Variants in TTLL11 observed in about 807,000 individuals in gnomAD.
TTLL11 encodes the protein tubulin tyrosine ligase like 11, also known as tubulin polyglutamylase TTLL11.
TTLL11 carries 42 observed loss-of-function variants against 51.7 expected under a neutral mutation model. The observed-to-expected ratio is 0.81, with a 90% confidence interval of 0.64 to 1.05. TTLL11 has a LOEUF of 1.05. Ranked by LOEUF, TTLL11 falls within the 50% of genes least tolerant of loss-of-function variation. TTLL11 has a pLI of 0.00. For missense variants in TTLL11, 799 were observed against 940.4 expected, an observed-to-expected ratio of 0.85 and a Z score of 1.97; for synonymous variants, 381 against 383.5, an observed-to-expected ratio of 0.99 and a Z score of 0.08.
intron 6 of TTLL11, chr9:121,885,365 G>A (rs1392518955): frequency 6.6e-6 from 1 of 152,190 alleles, no homozygotes; most frequent in Non-Finnish European, 1.5e-5. Flanking sequence ...TTTCCATTTG[G>A]AGGCTCTGAT....
intron 3 of TTLL11, among the ~76,000 whole-genome samples, chr9:121,996,393 T>C (rs926602477): frequency 2.6e-5 from 4 of 152,176 alleles, no homozygotes; most frequent in East Asian, 1.9e-4. Context: ...CTTCTCCATA[T>C]TGAGCTTCCC....
At chr9:121,944,972 T>C (rs952287766) in intron 6 of TTLL11, among the ~76,000 whole-genome samples, 1 of 152,188 alleles carries the variant, frequency 6.6e-6, no homozygotes, top group East Asian at 1.9e-4. Flanking sequence ...AGCAAAGAAC[T>C]GGAAATGCTT....
chr9:121,868,890 A>G (rs537307579), intron 7 of TTLL11, among the ~76,000 whole-genome samples: 1 of 152,220 alleles, frequency 6.6e-6, no homozygotes, highest in Non-Finnish European at 1.5e-5. Context: ...CTCCCACTGA[A>G]AAAGCAGCTC....
At chr9:122,029,029 AAAG>A (rs1464417381) in intron 3 of TTLL11, among the ~76,000 whole-genome samples, 1 of 152,222 alleles carries the variant, frequency 6.6e-6, no homozygotes, top group African/African-American at 2.4e-5. Flanking sequence ...CAGTGCCTAG[AAAG>A]AAATTTGTTT....
rs59988570 is a variant in TTLL11 at position 121,948,467 on chromosome 9, A to G, written c.1481+25542T>C. Among the ~76,000 whole-genome samples, 1,051 of 152,340 alleles carry G rather than the reference A, an allele frequency of 6.9e-3. 12 individuals carry two copies. Among genetic ancestry groups the G allele is most frequent in the African/African-American group, 0.021 (866 of 41,576 alleles). Reference sequence around the variant, plus strand: ...TGTAGGTAGCTACTGTTCATCAAGTAATATCTACCACCTCTGGGAACTCTG... The same window carrying G: ...TGTAGGTAGCTACTGTTCATCAAGTGATATCTACCACCTCTGGGAACTCTG... On this transcript the variant is annotated intron_variant, in intron 6 of 8. Coordinates refer to ENST00000321582, the MANE Select transcript of TTLL11 (RefSeq NM_001139442.2).
intron 8 of TTLL11, among the ~76,000 whole-genome samples, chr9:121,859,924 C>A (rs115454925): frequency 6.6e-6 from 1 of 152,202 alleles, no homozygotes; most frequent in African/African-American, 2.4e-5. Context: ...TCTCTCCCTC[C>A]GAGCCAGGCA....
chr9:121,837,820 T>TTCCAC (rs1363615727), intron 8 of TTLL11, among the ~76,000 whole-genome samples: 1 of 152,164 alleles, frequency 6.6e-6, no homozygotes, highest in East Asian at 1.9e-4. Flanking sequence ...CCTGGGTACC[T>TTCCAC]TCCACTCCCA....
chr9:121,861,652 C>G (rs372731254), intron 7 of TTLL11, among the ~76,000 whole-genome samples: 20 of 152,122 alleles, frequency 1.3e-4, no homozygotes, highest in Non-Finnish European at 2.5e-4. Context: ...GCTAGGCCCT[C>G]GGCACTGCCC....
intron 6 of TTLL11, among the ~76,000 whole-genome samples, chr9:121,934,820 T>C (rs900633784): frequency 2.0e-5 from 3 of 152,158 alleles, no homozygotes; most frequent in African/African-American, 7.2e-5. Flanking sequence ...AGATTTAATT[T>C]AAAAAAAGGT....
chr9:121,973,510 G>A (rs1842625596), intron 6 of TTLL11, among the ~76,000 whole-genome samples: 1 of 151,974 alleles, frequency 6.6e-6, no homozygotes, highest in Non-Finnish European at 1.5e-5. Flanking sequence ...TATTCCGTAT[G>A]GAATTCTGGG....
chr9:121,833,805 C>T (rs1256863373), intron 8 of TTLL11, among the ~76,000 whole-genome samples: 1 of 152,226 alleles, frequency 6.6e-6, no homozygotes, highest in East Asian at 1.9e-4. Context: ...AAATCATTGT[C>T]GACAGCCAGG....
chr9:121,988,868 GTGAA>G lies in TTLL11; in HGVS notation c.1269+323_1269+326del, dbSNP rs537141611. 1,522 of 467,950 alleles carry G rather than the reference GTGAA, an allele frequency of 3.3e-3. 20 individuals carry two copies. Among genetic ancestry groups the G allele is most frequent in the African/African-American group, 0.028 (1,421 of 51,596 alleles). 29.0% of individuals were successfully genotyped at this position (467,950 alleles called of 1,614,324 possible). A position where few individuals can be genotyped will look rare whatever the true frequency, so the allele number is the denominator to read the frequency against. ...GTGGCAAAGGTTGTTGAATGAGTAA[GTGAA>G]TGAATGAATGAGTAAACGAATGAAT... On this transcript the variant is annotated intron_variant, in intron 4 of 8. Transcript: ENST00000321582.
intron 3 of TTLL11, among the ~76,000 whole-genome samples, chr9:121,999,527 C>T (rs1843398686): frequency 6.6e-6 from 1 of 152,200 alleles, no homozygotes; most frequent in Admixed American, 6.5e-5. Flanking sequence ...TCCATCTGAA[C>T]ACACCTTACA....
intron 6 of TTLL11, among the ~76,000 whole-genome samples, chr9:121,935,043 C>A (rs1469042818): frequency 1.3e-5 from 2 of 152,138 alleles, no homozygotes; most frequent in Non-Finnish European, 2.9e-5. Context: ...CAACCTCCAC[C>A]TCCTGGGTTC....
At chr9:122,069,743 C>G (rs1845681547) in intron 1 of TTLL11, among the ~76,000 whole-genome samples, 1 of 152,014 alleles carries the variant, frequency 6.6e-6, no homozygotes, top group Non-Finnish European at 1.5e-5. Context: ...GGAGTGGAGT[C>G]TGGTCACTCT....
At chr9:122,048,220 G>A (rs4836876) in intron 1 of TTLL11, among the ~76,000 whole-genome samples, 13,492 of 151,990 alleles carry the variant, frequency 0.089, 843 homozygotes, top group African/African-American at 0.15. Flanking sequence ...CAGCCTGGGT[G>A]CAGTGGTGTG....
chr9:121,992,293 A>G (rs1180368174), intron 3 of TTLL11, among the ~76,000 whole-genome samples: 2 of 152,194 alleles, frequency 1.3e-5, no homozygotes, highest in African/African-American at 4.8e-5. Context: ...ATTTTTCAGA[A>G]TTCATATTCA....
intron 8 of TTLL11, among the ~76,000 whole-genome samples, chr9:121,833,699 A>G (rs1339811246): frequency 1.3e-5 from 2 of 151,690 alleles, no homozygotes; most frequent in African/African-American, 4.8e-5. Context: ...TCAAGCCCAC[A>G]CTCTTTTTTC....
chr9:121,826,559 A>G lies in TTLL11; in HGVS notation c.1841-3680T>C, dbSNP rs868831808. On this transcript the variant is annotated intron_variant, in intron 8 of 8. Coordinates refer to ENST00000321582, the MANE Select transcript of TTLL11 (RefSeq NM_001139442.2). ...TGTGTATATATATATATGTGTGTGT[A>G]TATATATATATATATATATATATGT... Among the ~76,000 whole-genome samples, 429 of 88,628 alleles carry G rather than the reference A, an allele frequency of 4.8e-3. 31 individuals carry two copies. The highest frequency in any genetic ancestry group is 0.012 in the South Asian group (34 of 2,770). 58.1% of individuals were successfully genotyped at this position (88,628 alleles called of 152,430 possible).
Sources: allele counts gnomAD v4.1 joint callset (sites outside exome capture counted in the v4.1 genomes callset), GRCh38; gene constraint gnomAD v4.1.1; transcripts MANE v1.5; gene names NCBI Gene and HGNC (gene_info 2026-07-23, HGNC 2026-07-21).